HM13: variants seen among roughly 807,000 people sequenced by gnomAD.
HM13 encodes signal peptide peptidase.
A neutral mutation model predicts 50.0 loss-of-function variants in HM13; 18 were observed. The ratio of observed to expected loss-of-function variants is 0.36; its 90% confidence interval spans 0.25 to 0.53. The LOEUF (loss-of-function observed/expected upper bound fraction) is 0.53. HM13 is among the 20% of genes least tolerant of loss of function. The probability of loss-of-function intolerance (pLI) is 0.90; values close to 1 mark genes in which losing one functional copy is unlikely to be tolerated. For synonymous variants in HM13, 197 were observed against 232.6 expected, an observed-to-expected ratio of 0.85 and a Z score of 1.39; for missense variants, 393 against 552.4, an observed-to-expected ratio of 0.71 and a Z score of 2.89.
Position 31,549,069 on chromosome 20 carries a change from C to G in HM13, c.495C>G (p.Cys165Trp), listed in dbSNP as rs1217894557. ...NYEFDTKDLV[C>W]LGLSSIVGVW... ...AATTTGACACCAAGGACCTGGTGTG[C>G]CTGGGCCTGAGCAGCATCGTTGGCG... The change falls in exon 5 of 13, where the codon TGC (cysteine) becomes TGG (tryptophan). Residue 165 changes from cysteine to tryptophan, a missense_variant. Around this residue, in one of 3 missense-constraint regions of HM13, gnomAD observed 214 missense variants for 276.1 expected, o/e 0.77. Coordinates refer to ENST00000398174, the MANE Select transcript of HM13 (RefSeq NM_178581.3). 6.2e-7 allele frequency: 1 copy of G among 1,613,954 alleles called. No homozygotes were observed. The highest frequency in any genetic ancestry group is 8.5e-7 in the Non-Finnish European group (1 of 1,179,988).
chr20:31,563,032 T>C (rs969737522), intron 10 of HM13: 4 of 152,424 alleles, frequency 2.6e-5, no homozygotes, highest in Middle Eastern at 6.8e-3. Context: ...TCTGCCTGGC[T>C]GGACTGAGAA....
intron 2 of HM13, among the ~76,000 whole-genome samples, chr20:31,529,621 A>G (rs1283691696): frequency 6.6e-6 from 1 of 152,030 alleles, no homozygotes; most frequent in African/African-American, 2.4e-5. Context: ...TTTAATTTAC[A>G]TCTTAAAATG....
intron 1 of HM13, among the ~76,000 whole-genome samples, chr20:31,521,671 G>A (rs1391751998): frequency 1.3e-5 from 2 of 150,376 alleles, no homozygotes; most frequent in African/African-American, 2.5e-5. Context: ...GGAGGTTGCA[G>A]TGAGCCAAGA....
chr20:31,516,376 A>G (rs1242068071), intron 1 of HM13, among the ~76,000 whole-genome samples: 1 of 152,230 alleles, frequency 6.6e-6, no homozygotes, highest in Non-Finnish European at 1.5e-5. Flanking sequence ...GTCAGGGGTA[A>G]GGGAGGATTG....
chr20:31,554,222 A>G (rs1445191836), intron 7 of HM13, among the ~76,000 whole-genome samples: 1 of 152,016 alleles, frequency 6.6e-6, no homozygotes, highest in East Asian at 1.9e-4. Context: ...TAAGCTGGGA[A>G]TACAAAAATG....
intron 8 of HM13, among the ~76,000 whole-genome samples, chr20:31,557,163 C>T (rs1261918700): frequency 6.6e-6 from 1 of 152,152 alleles, no homozygotes; most frequent in Non-Finnish European, 1.5e-5. Flanking sequence ...AGGGTATGGG[C>T]TTGCACCCAT....
chr20:31,551,001 T>C (rs149009086), intron 7 of HM13, among the ~76,000 whole-genome samples: 3,062 of 152,302 alleles, frequency 0.02, 57 homozygotes, highest in Non-Finnish European at 0.03. Context: ...TGTATAAATA[T>C]ATATGTGTGT....
chr20:31,543,379 G>A (rs554048028), intron 3 of HM13, among the ~76,000 whole-genome samples: 15 of 152,186 alleles, frequency 9.9e-5, no homozygotes, highest in East Asian at 3.9e-4. Flanking sequence ...TCTGCCCCCC[G>A]GGTTCAAGCA....
At chr20:31,526,557 T>C (rs1219907575) in intron 1 of HM13, among the ~76,000 whole-genome samples, 1 of 152,258 alleles carries the variant, frequency 6.6e-6, no homozygotes, top group Non-Finnish European at 1.5e-5. Flanking sequence ...TTATTTTGAT[T>C]GCATTCAGTT....
At chr20:31,566,434 G>C (rs11906851) in intron 11 of HM13, 139 bp downstream of exon 11, 135,301 of 707,368 alleles carry the variant, frequency 0.19, 22,653 homozygotes, top group African/African-American at 0.71. Flanking sequence ...GCCTTTTTCA[G>C]CAGTACATGG....
At position 31,568,235 on chromosome 20, in the gene HM13, G is replaced by A; in HGVS notation, c.1181+11G>A. ...GAATCCCAGCGCCATGTAATGCCCA[G>A]CGGGTGCCCACCTGCCCGCTTCCCC... On this transcript the variant is annotated intron_variant, in intron 12 of 12. Transcript: ENST00000398174. 1 of 1,611,182 alleles carries A rather than the reference G, an allele frequency of 6.2e-7. No homozygotes were observed. The highest frequency in any genetic ancestry group is 1.3e-5 in the African/African-American group (1 of 75,056).
chr20:31,530,931 G>A (rs1568783664), intron 2 of HM13, among the ~76,000 whole-genome samples: 2 of 152,184 alleles, frequency 1.3e-5, no homozygotes, highest in Admixed American at 6.5e-5. Flanking sequence ...CAAAAAGATT[G>A]TGCCATTTTA....
At chr20:31,538,651 C>A in intron 3 of HM13, 2 of 1,147,102 alleles carry the variant, frequency 1.7e-6, no homozygotes, top group Non-Finnish European at 2.1e-6. Flanking sequence ...TCGTAAGGAG[C>A]CAGAGGCAGC....
intron 10 of HM13, among the ~76,000 whole-genome samples, chr20:31,564,666 A>G (rs1984793453): frequency 6.6e-6 from 1 of 151,918 alleles, no homozygotes; most frequent in Admixed American, 6.6e-5. Flanking sequence ...ATGTGAAAGA[A>G]CTCAAGTGCA....
intron 11 of HM13, 84 bp downstream of exon 11, chr20:31,566,379 C>A: frequency 9.1e-7 from 1 of 1,097,004 alleles, no homozygotes; most frequent in Non-Finnish European, 1.4e-6. Context: ...GGTATCTTTA[C>A]ACCTCTCCAG....
intron 10 of HM13, chr20:31,563,523 C>T (rs1984736599): frequency 6.6e-6 from 1 of 152,076 alleles, no homozygotes; most frequent in African/African-American, 2.4e-5. Flanking sequence ...AGGGTATCAC[C>T]ATGTTGGCCA....
At chr20:31,538,468 G>A (rs937818036) in intron 3 of HM13, 8 of 1,419,792 alleles carry the variant, frequency 5.6e-6, no homozygotes, top group Admixed American at 2.9e-5. Context: ...TAGACATGAT[G>A]AGGATCTGGT....
intron 3 of HM13, among the ~76,000 whole-genome samples, chr20:31,543,821 C>T: frequency 6.6e-6 from 1 of 151,880 alleles, no homozygotes; most frequent in East Asian, 2.0e-4. Flanking sequence ...ATAGTCCCAG[C>T]TACTCGGGAG....
chr20:31,522,025 C>T (rs865966132), intron 1 of HM13, among the ~76,000 whole-genome samples: 1 of 151,834 alleles, frequency 6.6e-6, no homozygotes, highest in East Asian at 1.9e-4. Context: ...ATAAGTCACC[C>T]GCAAAGGAGA....
Sources: allele counts gnomAD v4.1 joint callset (sites outside exome capture counted in the v4.1 genomes callset), GRCh38; gene constraint gnomAD v4.1.1; regional missense constraint gnomAD v4.1.1; transcripts MANE v1.5; gene names NCBI Gene and HGNC (gene_info 2026-07-23, HGNC 2026-07-21).